CD248: variants seen among roughly 807,000 people sequenced by gnomAD.
CD248 encodes the protein endosialin.
A neutral mutation model predicts 8.0 loss-of-function variants in CD248; 7 were observed. The observed-to-expected ratio is 0.88, with a 90% confidence interval of 0.50 to 1.64. The LOEUF (loss-of-function observed/expected upper bound fraction) is 1.64, where lower values mean the gene tolerates loss of function less well. CD248 is among the 40% of genes most tolerant of loss of function. CD248 has a pLI of 0.00. For synonymous variants in CD248, 418 were observed against 437.1 expected (o/e 0.96, Z 0.54); for missense variants, 912 against 1,027.2 (o/e 0.89, Z 1.53).
rs144952486 is a variant in CD248, at chr11:66,315,321, G to C, written c.1707C>G (p.Ala569=). The C allele has an allele frequency of 2.4e-4, 373 of 1,569,044 alleles. 1 individual carries two copies. In the African/African-American group the frequency reaches 4.5e-3, roughly 19 times the overall value. ...GGGTTCTGAGGACAAGGGCATCTGGGGCTTGAGGGGGTAGCTGGGCACCGA... is the reference window on the plus strand; with the variant it reads ...GGGTTCTGAGGACAAGGGCATCTGGCGCTTGAGGGGGTAGCTGGGCACCGA... ...TTLGAQLPPQ[A]PDALVLRTQA... The change falls in exon 1 of 1, where the codon GCC becomes GCG. Residue 569 remains alanine, a synonymous_variant. Transcript: ENST00000311330. The surrounding 1 kb of genome is among the most constrained non-coding windows in gnomAD (Gnocchi z 4.3).
At position 66,315,764 on chromosome 11, in the gene CD248, T is replaced by G; in HGVS notation, c.1264A>C (p.Ile422Leu). The stretch of plus-strand genomic sequence containing the variant: ...GGCCAGGTGGGCTCCGGGTAGGGTA[T>G]CTGTGGCTCTCTGTCCTCTGGGAAG... The part of the protein sequence containing the change: ...PSFPEDREPQ[I>L]PYPEPTWPPP... Residue 422 changes from isoleucine to leucine, a missense_variant, in exon 1 of 1, where the codon ATA becomes CTA. By Grantham distance (5) the Ile-to-Leu change is conservative (BLOSUM62 2). This residue lies in a region of CD248 where 507 missense variants were observed against 562.2 expected (regional missense o/e 0.90). Transcript: ENST00000311330. The surrounding 1 kb of genome is among the most constrained non-coding windows in gnomAD (Gnocchi z 4.3). 1 of 1,612,122 alleles carries G rather than the reference T, an allele frequency of 6.2e-7. No homozygotes were observed. The highest frequency in any genetic ancestry group is 8.5e-7 in the Non-Finnish European group (1 of 1,178,660).
rs1854538155 is a variant in CD248, at chr11:66,315,678, A to T, written c.1350T>A (p.Pro450=). 1.2e-6 allele frequency: 2 copies of T among 1,613,616 alleles called. No homozygotes were observed. Among genetic ancestry groups the T allele is most frequent in the Non-Finnish European group, 1.7e-6 (2 of 1,179,796 alleles). ...YHSSVLSVTR[P]VVVSATHPTL... is the part of the protein sequence containing the mutation. ...TGGGATGCGTGGCAGAGACCACCAC[A>T]GGCCGGGTGACGGAGAGCACTGAGG... The change falls in exon 1 of 1, where the codon CCT becomes CCA. Residue 450 remains proline (P), a synonymous_variant. Coordinates refer to ENST00000311330, the MANE Select transcript of CD248 (RefSeq NM_020404.3). This position sits in a 1 kb window ranked among gnomAD's most constrained non-coding sequence, Gnocchi z 4.3.
In CD248 at chr11:66,315,782, C is replaced by T; in HGVS notation, c.1246G>A (p.Glu416Lys). The change falls in exon 1 of 1, where the codon GAG (glutamate) becomes AAG (lysine). Residue 416 changes from glutamate to lysine, a missense_variant. This residue lies in a region of CD248 where 507 missense variants were observed against 562.2 expected (regional missense o/e 0.90). Transcript: ENST00000311330. This position sits in a 1 kb window ranked among gnomAD's most constrained non-coding sequence, Gnocchi z 4.3. ...TAGGGTATCTGTGGCTCTCTGTCCT[C>T]TGGGAAGCTCGGTCTATAGGCCAGG... ...FALAYRPSFPEDREPQIPYPE... is the reference protein window; with the variant it reads ...FALAYRPSFPKDREPQIPYPE... 6.2e-7 allele frequency: 1 copy of T among 1,613,570 alleles called. No individual in the cohort carries two copies. The highest frequency in any genetic ancestry group is 8.5e-7 in the Non-Finnish European group (1 of 1,179,686).
Position 66,316,232 on chromosome 11 carries a change from C to T in CD248, c.796G>A (p.Ala266Thr), listed in dbSNP as rs1854546745. The change falls in exon 1 of 1, where the codon GCA becomes ACA. Residue 266 changes from alanine (A) to threonine (T), a missense_variant. Transcript: ENST00000311330. Reference protein sequence around the residue: ...CRCTEGFRLAADGRSCEDPCA... With the variant: ...CRCTEGFRLATDGRSCEDPCA... The stretch of plus-strand genomic sequence containing the variant: ...GGGTCCTCGCAACTGCGCCCGTCTG[C>T]TGCCAGCCGGAAGCCCTCAGTGCAG... 1 of 1,613,480 alleles carries T rather than the reference C, an allele frequency of 6.2e-7. No individual in the cohort carries two copies. The highest frequency in any genetic ancestry group is 1.1e-5 in the South Asian group (1 of 91,086).
At position 66,316,735 on chromosome 11, in the gene CD248, C is replaced by T. The variant is rs747508669; in HGVS notation, c.293G>A (p.Arg98His). ...GGTCCACGTGAAGCCGCGCAGTGGGCGCTGCAGCTGGCATTGCCGGGCCTG... is the reference window on the plus strand; with the variant it reads ...GGTCCACGTGAAGCCGCGCAGTGGGTGCTGCAGCTGGCATTGCCGGGCCTG... ...QRQARQCQLQ[R>H]PLRGFTWTTG... The change falls in exon 1 of 1, where the codon CGC becomes CAC. Residue 98 changes from arginine to histidine, a missense_variant. Around this residue, in one of 3 missense-constraint regions of CD248, gnomAD observed 403 missense variants for 446.2 expected, o/e 0.90. Coordinates refer to ENST00000311330, the MANE Select transcript of CD248 (RefSeq NM_020404.3). 2 of 1,603,660 alleles carry T rather than the reference C, an allele frequency of 1.2e-6. No homozygotes were observed. The highest frequency in any genetic ancestry group is 1.7e-5 in the Admixed American group (1 of 59,986).
chr11:66,314,540 CT>C lies in CD248; in HGVS notation c.*213del. ...TGGAGAAGACCCCAGCACCCGCCCCCTGAGGTCTTAAGGGCTTTGGTGTATC... is the reference window on the plus strand; with the variant it reads ...TGGAGAAGACCCCAGCACCCGCCCCCGAGGTCTTAAGGGCTTTGGTGTATC... On this transcript the variant is annotated 3_prime_UTR_variant, in exon 1 of 1. Coordinates refer to ENST00000311330, the MANE Select transcript of CD248 (RefSeq NM_020404.3). The surrounding 1 kb of genome is among the most constrained non-coding windows in gnomAD (Gnocchi z 4.0). 1 of 534,752 alleles carries C rather than the reference CT, an allele frequency of 1.9e-6. No individual in the cohort carries two copies. The highest frequency in any genetic ancestry group is 2.9e-5 in the East Asian group (1 of 35,024). 33.1% of individuals were successfully genotyped at this position (534,752 alleles called of 1,614,324 possible). A position where few individuals can be genotyped will look rare whatever the true frequency, so the allele number is the denominator to read the frequency against.
At position 66,317,031 on chromosome 11, in the gene CD248, G is replaced by A. The variant is rs1171932215; in HGVS notation, c.-4C>T. 6.9e-7 allele frequency: 1 copy of A among 1,441,420 alleles called. No homozygotes were observed. The highest frequency in any genetic ancestry group is 1.4e-5 in the South Asian group (1 of 69,962). The allele number at this position is 1,441,420 out of a possible 1,614,324, so 89.3% of individuals were successfully genotyped here. On this transcript the variant is annotated 5_prime_UTR_variant, in exon 1 of 1. Coordinates refer to ENST00000311330, the MANE Select transcript of CD248 (RefSeq NM_020404.3). ...CCAGCAACAGGCGCAGCAGCATCGC[G>A]ATGCCCCCGGACTGGTCCGGCCCCG... is the stretch of plus-strand genomic sequence containing the variant.
rs991947564 is a variant in CD248 at position 66,316,295 on chromosome 11, C to G, written c.733G>C (p.Glu245Gln). The part of the protein sequence containing the change: ...CSPDNGGCEH[E>Q]CVEEVDGHVS... ...TGACCATCCACCTCCTCCACACATT[C>G]GTGTTCGCAGCCCCCGTTGTCAGGG... is the stretch of plus-strand genomic sequence containing the variant. Residue 245 changes from glutamate (E) to glutamine (Q), a missense_variant, in exon 1 of 1, where the codon GAA becomes CAA. By Grantham distance (29) the Glu-to-Gln change is conservative. Around this residue, in one of 3 missense-constraint regions of CD248, gnomAD observed 403 missense variants for 446.2 expected, o/e 0.90. Coordinates refer to ENST00000311330, the MANE Select transcript of CD248 (RefSeq NM_020404.3). 4 of 1,613,186 alleles carry G rather than the reference C, an allele frequency of 2.5e-6. No homozygotes were observed. The highest frequency in any genetic ancestry group is 3.4e-6 in the Non-Finnish European group (4 of 1,179,768).
Position 66,315,153 on chromosome 11 carries a change from G to C in CD248, c.1875C>G (p.Ser625Arg). ...AALPTLLPSQ[S>R]PTNQTSPISP... Reference sequence around the variant, plus strand: ...TGATGGGTGAGGTCTGGTTAGTGGGGCTCTGAGAGGGCAGGAGGGTGGGGA... The same window carrying C: ...TGATGGGTGAGGTCTGGTTAGTGGGCCTCTGAGAGGGCAGGAGGGTGGGGA... Residue 625 changes from serine to arginine, a missense_variant, in exon 1 of 1, where the codon AGC (serine) becomes AGG (arginine). Physicochemically the swap from Ser to Arg is moderately radical, Grantham distance 110. Transcript: ENST00000311330. This position sits in a 1 kb window ranked among gnomAD's most constrained non-coding sequence, Gnocchi z 4.3. 6.5e-7 allele frequency: 1 copy of C among 1,529,404 alleles called. No homozygotes were observed. 94.7% of individuals were successfully genotyped at this position (1,529,404 alleles called of 1,614,324 possible). A position where few individuals can be genotyped will look rare whatever the true frequency, so the allele number is the denominator to read the frequency against.
chr11:66,314,565 T>C lies in CD248; in HGVS notation c.*189A>G, dbSNP rs1284537468. The C allele has an allele frequency of 1.7e-6, 1 of 590,134 alleles. No homozygotes were observed. The highest frequency in any genetic ancestry group is 1.9e-5 in the African/African-American group (1 of 53,770). The allele number at this position is 590,134 out of a possible 1,614,324, so 36.6% of individuals were successfully genotyped here. On this transcript the variant is annotated 3_prime_UTR_variant, in exon 1 of 1. Coordinates refer to ENST00000311330, the MANE Select transcript of CD248 (RefSeq NM_020404.3). The surrounding 1 kb of genome is among the most constrained non-coding windows in gnomAD (Gnocchi z 4.0). Reference sequence around the variant, plus strand: ...CTGAGGTCTTAAGGGCTTTGGTGTATCCTTGGTCACGAGCGCTGGGCCAGG... The same window carrying C: ...CTGAGGTCTTAAGGGCTTTGGTGTACCCTTGGTCACGAGCGCTGGGCCAGG...
rs757464465 is a variant in CD248 at position 66,316,332 on chromosome 11, C to T, written c.696G>A (p.Gly232=). ...CCCCGTTGTCAGGGCTGCAGCCAGTCCCCAGGCACAGGGGCCCAGCCCGTG... is the reference window on the plus strand; with the variant it reads ...CCCCGTTGTCAGGGCTGCAGCCAGTTCCCAGGCACAGGGGCCCAGCCCGTG... ...GWSRAGPLCL[G]TGCSPDNGGC... Residue 232 remains glycine, a synonymous_variant, in exon 1 of 1, where the codon GGG becomes GGA. Transcript: ENST00000311330. The T allele has an allele frequency of 3.1e-6, 5 of 1,612,832 alleles. No homozygotes were observed. The highest frequency in any genetic ancestry group is 4.2e-6 in the Non-Finnish European group (5 of 1,179,728).
Position 66,315,830 on chromosome 11 carries a change from G to C in CD248, c.1198C>G (p.Pro400Ala), listed in dbSNP as rs1479512895. ...TEMPGILWME[P>A]TQPPDFALAY... ...AGGGCAAAGTCAGGCGGCTGCGTAG[G>C]CTCCATCCACAGGATCCCAGGCATC... The change falls in exon 1 of 1, where the codon CCT (proline) becomes GCT (alanine). Residue 400 changes from proline (P) to alanine (A), a missense_variant. Pro to Ala is a conservative substitution (Grantham distance 27). Around this residue, in one of 3 missense-constraint regions of CD248, gnomAD observed 507 missense variants for 562.2 expected, o/e 0.90. Coordinates refer to ENST00000311330, the MANE Select transcript of CD248 (RefSeq NM_020404.3). This position sits in a 1 kb window ranked among gnomAD's most constrained non-coding sequence, Gnocchi z 4.3. The C allele has an allele frequency of 1.2e-6, 2 of 1,613,948 alleles. No homozygotes were observed. Among genetic ancestry groups the C allele is most frequent in the East Asian group, 2.2e-5 (1 of 44,884 alleles).
chr11:66,315,011 C>T lies in CD248; in HGVS notation c.2017G>A (p.Glu673Lys). The part of the protein sequence containing the change: ...APTAAPTALG[E>K]AGLAEHSQRD... ...TGGCTGTGCTCGGCAAGACCAGCCT[C>T]CCCCAGGGCTGTTGGGGCTGCTGTG... Residue 673 changes from glutamate (E) to lysine (K), a missense_variant, in exon 1 of 1, where the codon GAG becomes AAG. By Grantham distance (56) the Glu-to-Lys change is moderately conservative. Around this residue, in one of 3 missense-constraint regions of CD248, gnomAD observed 507 missense variants for 562.2 expected, o/e 0.90. Coordinates refer to ENST00000311330, the MANE Select transcript of CD248 (RefSeq NM_020404.3). This position sits in a 1 kb window ranked among gnomAD's most constrained non-coding sequence, Gnocchi z 4.3. 1.2e-6 allele frequency: 2 copies of T among 1,607,134 alleles called. No individual in the cohort carries two copies. The highest frequency in any genetic ancestry group is 1.7e-6 in the Non-Finnish European group (2 of 1,175,904).
chr11:66,314,961 C>T lies in CD248; in HGVS notation c.2067G>A (p.Val689=). 10 of 1,613,218 alleles carry T rather than the reference C, an allele frequency of 6.2e-6. No individual in the cohort carries two copies. Among genetic ancestry groups the T allele is most frequent in the Non-Finnish European group, 8.5e-6 (10 of 1,179,926 alleles). ...HSQRDDRWLL[V]ALLVPTCVFL... ...AGACACACGTTGGCACCAGGAGTGC[C>T]ACCAGCAGCCACCGGTCATCCCTCT... Residue 689 remains valine, a synonymous_variant, in exon 1 of 1, where the codon GTG becomes GTA. Transcript: ENST00000311330. The surrounding 1 kb of genome is among the most constrained non-coding windows in gnomAD (Gnocchi z 4.0).
chr11:66,316,207 G>A lies in CD248; in HGVS notation c.821C>T (p.Pro274Leu), dbSNP rs200973487. ...CTGCTCGCACGGAGCCTGGGCACAG[G>A]GGTCCTCGCAACTGCGCCCGTCTGC... ...LAADGRSCED[P>L]CAQAPCEQQC... The change falls in exon 1 of 1, where the codon CCC becomes CTC. Residue 274 changes from proline to leucine, a missense_variant. This residue lies in a region of CD248 where 403 missense variants were observed against 446.2 expected (regional missense o/e 0.90). Transcript: ENST00000311330. 2.2e-4 allele frequency: 357 copies of A among 1,612,842 alleles called. No homozygotes were observed. The highest frequency in any genetic ancestry group is 3.7e-5 in the Non-Finnish European group (44 of 1,179,950).
At position 66,315,685 on chromosome 11, in the gene CD248, G is replaced by C. The variant is rs566988058; in HGVS notation, c.1343C>G (p.Thr448Ser). 1.2e-6 allele frequency: 2 copies of C among 1,613,572 alleles called. No individual in the cohort carries two copies. The highest frequency in any genetic ancestry group is 2.2e-5 in the South Asian group (2 of 91,070). Residue 448 changes from threonine (T) to serine (S), a missense_variant, in exon 1 of 1, where the codon ACC becomes AGC. Thr to Ser is a moderately conservative substitution (Grantham distance 58, BLOSUM62 1). Around this residue, in one of 3 missense-constraint regions of CD248, gnomAD observed 507 missense variants for 562.2 expected, o/e 0.90. Transcript: ENST00000311330. This position sits in a 1 kb window ranked among gnomAD's most constrained non-coding sequence, Gnocchi z 4.3. Reference sequence around the variant, plus strand: ...CGTGGCAGAGACCACCACAGGCCGGGTGACGGAGAGCACTGAGGAGTGGTA... The same window carrying C: ...CGTGGCAGAGACCACCACAGGCCGGCTGACGGAGAGCACTGAGGAGTGGTA... ...VPYHSSVLSV[T>S]RPVVVSATHP...
Position 66,316,896 on chromosome 11 carries a change from G to A in CD248, c.132C>T (p.Phe44=), listed in dbSNP as rs1590910496. 1 of 1,557,466 alleles carries A rather than the reference G, an allele frequency of 6.4e-7. No individual in the cohort carries two copies. Among genetic ancestry groups the A allele is most frequent in the Non-Finnish European group, 8.6e-7 (1 of 1,161,516 alleles). ...CGCGGCAGGCCCGCCAGGCCTCCAG[G>A]AAGGTGCGGCGCCGTGGGAAGAGAG... is the stretch of plus-strand genomic sequence containing the variant. ...CYALFPRRRT[F]LEAWRACREL... is the part of the protein sequence containing the mutation. The change falls in exon 1 of 1, where the codon TTC becomes TTT. Residue 44 remains phenylalanine, a synonymous_variant. Coordinates refer to ENST00000311330, the MANE Select transcript of CD248 (RefSeq NM_020404.3).
Position 66,314,991 on chromosome 11 carries a change from G to T in CD248, c.2037C>A (p.His679Gln). 6.2e-7 allele frequency: 1 copy of T among 1,612,054 alleles called. No homozygotes were observed. Among genetic ancestry groups the T allele is most frequent in the Non-Finnish European group, 8.5e-7 (1 of 1,179,152 alleles). Residue 679 changes from histidine (H) to glutamine (Q), a missense_variant, in exon 1 of 1, where the codon CAC becomes CAA. By Grantham distance (24) the His-to-Gln change is conservative. Around this residue, in one of 3 missense-constraint regions of CD248, gnomAD observed 507 missense variants for 562.2 expected, o/e 0.90. Coordinates refer to ENST00000311330, the MANE Select transcript of CD248 (RefSeq NM_020404.3). The surrounding 1 kb of genome is among the most constrained non-coding windows in gnomAD (Gnocchi z 4.0). ...TALGEAGLAE[H>Q]SQRDDRWLLV... ...GCAGCCACCGGTCATCCCTCTGGCT[G>T]TGCTCGGCAAGACCAGCCTCCCCCA...
Position 66,316,719 on chromosome 11 carries a change from G to A in CD248, c.309C>T (p.Phe103=), listed in dbSNP as rs1217730575. The A allele has an allele frequency of 6.2e-7, 1 of 1,605,678 alleles. No individual in the cohort carries two copies. The highest frequency in any genetic ancestry group is 8.5e-7 in the Non-Finnish European group (1 of 1,179,542). Residue 103 remains phenylalanine (F), a synonymous_variant, in exon 1 of 1, where the codon TTC becomes TTT. Transcript: ENST00000311330. ...QCQLQRPLRG[F]TWTTGDQDTA... ...TGTCCTGGTCCCCTGTGGTCCACGT[G>A]AAGCCGCGCAGTGGGCGCTGCAGCT...
Sources: gnomAD v4.1 joint callset for allele counts on GRCh38, gnomAD v4.1.1 for gene constraint, gnomAD v4.1.1 regional missense constraint, Gnocchi (gnomAD v3.1) non-coding constraint, MANE v1.5 for transcripts, NCBI Gene and HGNC (gene_info 2026-07-23, HGNC 2026-07-21) for gene names.